Variants in SLC48A1 observed in about 807,000 individuals in gnomAD.
SLC48A1 encodes the protein solute carrier family 48 member 1, also known as heme transporter HRG1.
In SLC48A1, 6 loss-of-function variants were observed where a neutral mutation model predicts 14.8. That is an observed-to-expected ratio of 0.41 (90% CI 0.22 to 0.80). The LOEUF (loss-of-function observed/expected upper bound fraction) is 0.80. Ranked by LOEUF, SLC48A1 falls within the 30% of genes least tolerant of loss-of-function variation. The pLI is 0.34. For missense variants in SLC48A1, 165 were observed against 204.8 expected (o/e 0.81, Z 1.19); for synonymous variants, 89 against 90.0 (o/e 0.99, Z 0.06).
chr12:47,758,858 G>A (rs1044884604), intron 1 of SLC48A1: 1 of 1,181,764 alleles, frequency 8.5e-7, no homozygotes, highest in Middle Eastern at 3.4e-4. Context: ...AGCTGGCACC[G>A]GGCGCTGAAG....
chr12:47,758,923 CG>C lies in SLC48A1; in HGVS notation c.-373+264del, dbSNP rs1942266783. 12 of 1,045,612 alleles carry C rather than the reference CG, an allele frequency of 1.1e-5. No homozygotes were observed. The East Asian group carries it at 8.8e-4, about 77-fold the overall frequency. The allele number at this position is 1,045,612 out of a possible 1,614,324, so 64.8% of individuals were successfully genotyped here. A position where few individuals can be genotyped will look rare whatever the true frequency, so the allele number is the denominator to read the frequency against. On this transcript the variant is annotated intron_variant, in intron 1 of 4. Transcript: ENST00000547002. ...GAGCTGTCACACCCCCTGCGCTGCCCGCCCCCTTCCCCTCCCCAGGACTGGC... is the reference window on the plus strand; with the variant it reads ...GAGCTGTCACACCCCCTGCGCTGCCCCCCCCTTCCCCTCCCCAGGACTGGC...
At chr12:47,767,195 G>A (rs60150383), upstream of SLC48A1, among the ~76,000 whole-genome samples, 6 of 151,908 alleles carry the variant, frequency 3.9e-5, no homozygotes, top group East Asian at 1.9e-4. Context: ...GGGCTGGGGT[G>A]GGGGGGTGGA....
At chr12:47,767,633 A>G (rs914135604), upstream of SLC48A1, among the ~76,000 whole-genome samples, 6 of 152,234 alleles carry the variant, frequency 3.9e-5, no homozygotes, top group Admixed American at 3.9e-4. Flanking sequence ...GAAAGTAAAA[A>G]TACAATTTTT....
upstream of SLC48A1, chr12:47,771,503 T>C (rs1190811387): frequency 6.5e-6 from 1 of 153,026 alleles, no homozygotes; most frequent in Admixed American, 6.5e-5. Flanking sequence ...CAAAGGGATT[T>C]ATTTTGCTGA....
At chr12:47,757,856 A>C, upstream of SLC48A1, 2 of 1,550,180 alleles carry the variant, frequency 1.3e-6, no homozygotes, top group Non-Finnish European at 1.7e-6. Flanking sequence ...GGCAGGTGAA[A>C]GGTACTCACC....
intron 2 of SLC48A1, chr12:47,760,432 G>C (rs944989029): frequency 4.1e-6 from 4 of 984,688 alleles, no homozygotes; most frequent in Non-Finnish European, 4.8e-6. Context: ...GGGGGATGGA[G>C]TCATGAGTTT....
chr12:47,757,722 C>T (rs1420965637), upstream of SLC48A1: 1 of 763,364 alleles, frequency 1.3e-6, no homozygotes, highest in Non-Finnish European at 2.1e-6. Flanking sequence ...TGCAGACAAG[C>T]TTCCTGACCC....
chr12:47,765,506 T>G (rs1339982883), intron 2 of SLC48A1, among the ~76,000 whole-genome samples: 1 of 152,216 alleles, frequency 6.6e-6, no homozygotes. Flanking sequence ...CCTGACTTAA[T>G]CTCCCCAACT....
chr12:47,757,250 CA>C (rs1942129157), upstream of SLC48A1, among the ~76,000 whole-genome samples: 1 of 152,266 alleles, frequency 6.6e-6, no homozygotes, highest in Admixed American at 6.5e-5. Context: ...CAAATCCCAC[CA>C]TTCTTTCCCC....
At chr12:47,766,743 T>C (rs1328790172), upstream of SLC48A1, among the ~76,000 whole-genome samples, 2 of 151,878 alleles carry the variant, frequency 1.3e-5, no homozygotes, top group African/African-American at 4.8e-5. Flanking sequence ...ATCTTCTCAC[T>C]TGCCATCCTG....
At chr12:47,773,083 G>T, upstream of SLC48A1, 2 of 596,208 alleles carry the variant, frequency 3.4e-6, no homozygotes, top group African/African-American at 2.0e-5. Context: ...TCCCCCAAAC[G>T]ACACGGCAGC....
chr12:47,778,935 T>G, intron 1 of SLC48A1, 93 bp from the exon 2 acceptor site: 2 of 1,333,422 alleles, frequency 1.5e-6, no homozygotes, highest in Non-Finnish European at 2.0e-6. Context: ...CAAGACCATA[T>G]TCTTGGTATT....
rs778415344 is a variant in SLC48A1, at chr12:47,780,220, G to A, written c.380G>A (p.Ser127Asn). 2 of 1,614,232 alleles carry A rather than the reference G, an allele frequency of 1.2e-6. No homozygotes were observed. Among genetic ancestry groups the A allele is most frequent in the Non-Finnish European group, 1.7e-6 (2 of 1,180,048 alleles). The change falls in exon 3 of 3, where the codon AGC (serine) becomes AAC (asparagine). Residue 127 changes from serine (S) to asparagine (N), a missense_variant. Physicochemically the swap from Ser to Asn is conservative, Grantham distance 46. Transcript: ENST00000442218. ...TCCTTCAAGTGGGCCTTCCTGCTCA[G>A]CCTCTATGCCCACCGCTACCGGGCT... ...FISFKWAFLL[S>N]LYAHRYRADF...
At chr12:47,779,679 C>G (rs1031374514) in intron 2 of SLC48A1, among the ~76,000 whole-genome samples, 13 of 152,312 alleles carry the variant, frequency 8.5e-5, no homozygotes, top group Admixed American at 2.0e-4. Flanking sequence ...AAAACGGTCC[C>G]CAGCTCCGTT....
At chr12:47,759,558 C>T (rs933486818) in intron 1 of SLC48A1, among the ~76,000 whole-genome samples, 5 of 152,194 alleles carry the variant, frequency 3.3e-5, no homozygotes, top group Non-Finnish European at 7.4e-5. Flanking sequence ...GAGTACCACG[C>T]CCCCTACCGC....
chr12:47,758,191 C>A (rs1488330583), upstream of SLC48A1: 4 of 1,446,922 alleles, frequency 2.8e-6, no homozygotes, highest in African/African-American at 2.8e-5. Flanking sequence ...ACTGGTCAGG[C>A]GGAGGTGCTG....
At chr12:47,779,556 G>A (rs1219618987) in intron 2 of SLC48A1, among the ~76,000 whole-genome samples, 1 of 152,204 alleles carries the variant, frequency 6.6e-6, no homozygotes, top group Non-Finnish European at 1.5e-5. Flanking sequence ...CAGGTTGGAG[G>A]TGGCCTAGGG....
upstream of SLC48A1, chr12:47,758,466 C>A (rs1271494452): frequency 2.5e-6 from 4 of 1,588,340 alleles, no homozygotes; most frequent in Non-Finnish European, 2.6e-6. Flanking sequence ...ACTAACCCTC[C>A]CTCTCCCACC....
intron 1 of SLC48A1, 27 bp from the exon 2 acceptor site, chr12:47,779,001 A>G: frequency 1.3e-6 from 2 of 1,545,704 alleles, no homozygotes; most frequent in Non-Finnish European, 1.8e-6. Context: ...CACCCTGGGG[A>G]TGGGCCCTGA....
Sources: gnomAD v4.1 joint callset for allele counts (sites outside exome capture counted in the v4.1 genomes callset) on GRCh38, gnomAD v4.1.1 for gene constraint, MANE v1.5 for transcripts, NCBI Gene and HGNC (gene_info 2026-07-23, HGNC 2026-07-21) for gene names.